The following STX17 variants were observed in gnomAD, a reference collection of about 807,000 sequenced individuals.
STX17 encodes syntaxin-17.
In STX17, 29 loss-of-function variants were observed where a neutral mutation model predicts 35.9. That is an observed-to-expected ratio of 0.81 (90% CI 0.60 to 1.10). The LOEUF (loss-of-function observed/expected upper bound fraction) is 1.10, where lower values mean the gene tolerates loss of function less well. STX17 is among the 50% of genes least tolerant of loss of function. STX17 has a pLI of 0.00. For synonymous variants in STX17, 92 were observed against 118.3 expected (o/e 0.78, Z 1.44); for missense variants, 312 against 352.3 (o/e 0.89, Z 0.92).
chr9:99,958,181 T>C (rs1398412489), intron 4 of STX17, among the ~76,000 whole-genome samples: 2 of 152,196 alleles, frequency 1.3e-5, no homozygotes, highest in Admixed American at 6.5e-5. Flanking sequence ...CGTATGCACA[T>C]ACTGTTCTCT....
intron 2 of STX17, among the ~76,000 whole-genome samples, chr9:99,927,238 C>A (rs1008602066): frequency 1.3e-5 from 2 of 152,140 alleles, no homozygotes; most frequent in East Asian, 3.9e-4. Context: ...CTTAAAATAT[C>A]GCAACAGGTT....
chr9:99,912,413 T>C (rs1828684774), intron 1 of STX17, among the ~76,000 whole-genome samples: 1 of 152,214 alleles, frequency 6.6e-6, no homozygotes, highest in South Asian at 2.1e-4. Flanking sequence ...TTTGTATGTC[T>C]TCTTTTGAGA....
chr9:99,957,661 T>G (rs1380612806), intron 4 of STX17, among the ~76,000 whole-genome samples: 7 of 150,498 alleles, frequency 4.7e-5, no homozygotes, highest in Non-Finnish European at 7.4e-5. Flanking sequence ...TTTTTGTTTT[T>G]TTTTTTTTTT....
intron 3 of STX17, among the ~76,000 whole-genome samples, chr9:99,932,364 A>G (rs1159298771): frequency 6.8e-6 from 1 of 147,100 alleles, no homozygotes; most frequent in Non-Finnish European, 1.5e-5. Context: ...GATTGATTTG[A>G]GATTTAGATG....
At chr9:99,959,329 G>A (rs1354825182) in intron 4 of STX17, among the ~76,000 whole-genome samples, 1 of 151,868 alleles carries the variant, frequency 6.6e-6, no homozygotes, top group African/African-American at 2.4e-5. Flanking sequence ...GATCAGTTGA[G>A]GCCGGGAGTT....
chr9:99,946,483 A>C (rs1829485313), intron 3 of STX17, among the ~76,000 whole-genome samples: 1 of 152,178 alleles, frequency 6.6e-6, no homozygotes, highest in Non-Finnish European at 1.5e-5. Context: ...CTTTTATATA[A>C]ATATTTCTAA....
rs1347391091 is a variant in STX17, at chr9:99,973,735, G to GAATT, written c.*5065_*5068dup. On this transcript the variant is annotated 3_prime_UTR_variant, in exon 8 of 8. Coordinates refer to ENST00000259400, the MANE Select transcript of STX17 (RefSeq NM_017919.3). ...TCAGTTCCTTATATCACTGCCACAAGAATTAACAACCATGTCCATCTTTCA... is the reference window on the plus strand; with the variant it reads ...TCAGTTCCTTATATCACTGCCACAAGAATTAATTAACAACCATGTCCATCTTTCA... Among the ~76,000 whole-genome samples, 1 of 152,094 alleles carries GAATT rather than the reference G, an allele frequency of 6.6e-6. No homozygotes were observed. The highest frequency in any genetic ancestry group is 1.5e-5 in the Non-Finnish European group (1 of 68,022).
chr9:99,940,008 C>G (rs778389619), intron 3 of STX17, among the ~76,000 whole-genome samples: 1 of 152,216 alleles, frequency 6.6e-6, no homozygotes, highest in African/African-American at 2.4e-5. Flanking sequence ...ACTTTACTTA[C>G]AAGATTCTCT....
At chr9:99,930,072 C>G (rs1335661639) in intron 3 of STX17, among the ~76,000 whole-genome samples, 1 of 150,894 alleles carries the variant, frequency 6.6e-6, no homozygotes, top group Non-Finnish European at 1.5e-5. Context: ...ACCACCACGC[C>G]TGACTAATTT....
At chr9:99,950,836 A>T (rs1336123231) in intron 3 of STX17, among the ~76,000 whole-genome samples, 1 of 151,982 alleles carries the variant, frequency 6.6e-6, no homozygotes, top group Admixed American at 6.6e-5. Context: ...ACCACATTTA[A>T]TGAAGGAAAA....
intron 3 of STX17, among the ~76,000 whole-genome samples, chr9:99,948,659 C>A (rs372575932): frequency 6.6e-6 from 1 of 152,080 alleles, no homozygotes; most frequent in Non-Finnish European, 1.5e-5. Context: ...TTAGCACAAT[C>A]GATAACTTTA....
At chr9:99,935,343 A>AG (rs1156385590) in intron 3 of STX17, among the ~76,000 whole-genome samples, 1 of 151,956 alleles carries the variant, frequency 6.6e-6, no homozygotes, top group African/African-American at 2.4e-5. Context: ...AAAAAAAAAA[A>AG]AAAAAGAAAA....
chr9:99,945,027 A>G (rs1041191801), intron 3 of STX17, among the ~76,000 whole-genome samples: 1 of 152,148 alleles, frequency 6.6e-6, no homozygotes, highest in African/African-American at 2.4e-5. Flanking sequence ...TGTATAATCA[A>G]TTTTTATAAT....
At chr9:99,923,491 C>G (rs941333065) in intron 2 of STX17, among the ~76,000 whole-genome samples, 3 of 152,156 alleles carry the variant, frequency 2.0e-5, no homozygotes, top group Non-Finnish European at 4.4e-5. Flanking sequence ...CTCTTATACT[C>G]TCACTCAACA....
chr9:99,973,399 T>G lies in STX17; in HGVS notation c.*4726T>G, dbSNP rs1830050844. The stretch of plus-strand genomic sequence containing the variant: ...TGGTCTTTCAGACTAGCTTCAACAT[T>G]CCAAATCAGGCAATAGCTACAACGG... On this transcript the variant is annotated 3_prime_UTR_variant, in exon 8 of 8. Transcript: ENST00000259400. Among the ~76,000 whole-genome samples the G allele has an allele frequency of 6.6e-6, 1 of 152,102 alleles. No homozygotes were observed. The highest frequency in any genetic ancestry group is 6.5e-5 in the Admixed American group (1 of 15,278).
chr9:99,967,816 C>T, intron 7 of STX17, 77 bp downstream of exon 7: 1 of 1,265,092 alleles, frequency 7.9e-7, no homozygotes, highest in Non-Finnish European at 1.2e-6. Flanking sequence ...AATTGATCTG[C>T]TCTCTTCAAT....
intron 2 of STX17, among the ~76,000 whole-genome samples, chr9:99,925,315 T>A (rs1828966729): frequency 6.6e-6 from 1 of 152,168 alleles, no homozygotes; most frequent in Non-Finnish European, 1.5e-5. Context: ...TACATTTTAC[T>A]TCTGCATACA....
chr9:99,945,773 A>ATTT, intron 3 of STX17: 1 of 324,146 alleles, frequency 3.1e-6, no homozygotes, highest in Non-Finnish European at 6.2e-6. Context: ...TGGAACAAAA[A>ATTT]TTTTTTTTTT....
chr9:99,907,208 T>C (rs1415839960), intron 1 of STX17: 4 of 152,222 alleles, frequency 2.6e-5, no homozygotes, highest in African/African-American at 7.2e-5. Flanking sequence ...CCAGAGGTGG[T>C]TGGCAGAAGG....
Sources: gnomAD v4.1 joint callset for allele counts (sites outside exome capture counted in the v4.1 genomes callset) on GRCh38, gnomAD v4.1.1 for gene constraint, MANE v1.5 for transcripts, NCBI Gene and HGNC (gene_info 2026-07-23, HGNC 2026-07-21) for gene names.